MSN: variants seen among roughly 807,000 people sequenced by gnomAD.
MSN encodes epididymis luminal protein 70.
In MSN, 2 loss-of-function variants were observed where a neutral mutation model predicts 48.0. The ratio of observed to expected loss-of-function variants is 0.04; its 90% CI spans 0.02 to 0.13. The LOEUF is 0.13. MSN is among the 10% of genes least tolerant of loss of function. MSN has a pLI of 1.00. For synonymous variants in MSN, 146 were observed against 166.9 expected (o/e 0.87, Z 0.97); for missense variants, 267 against 470.1 (o/e 0.57, Z 3.99).
intron 1 of MSN, among the ~76,000 whole-genome samples, chrX:65,594,350 C>T (rs190353812): frequency 2.2e-4 from 24 of 110,356 alleles, no homozygotes; most frequent in Admixed American, 1.8e-3. Context: ...GTTAGAATTT[C>T]CAAATAAAAG....
intron 1 of MSN, among the ~76,000 whole-genome samples, chrX:65,670,137 G>C (rs2070916374): frequency 8.9e-6 from 1 of 111,986 alleles, no homozygotes; most frequent in South Asian, 3.7e-4. Context: ...GTGTCACCAG[G>C]TGCCTTCTGT....
chrX:65,634,890 G>A (rs940503279), intron 1 of MSN, among the ~76,000 whole-genome samples: 6 of 111,037 alleles, frequency 5.4e-5, no homozygotes, highest in Admixed American at 2.9e-4. Context: ...TGGCCCCTGG[G>A]AGCCCTGTCA....
At chrX:65,602,014 G>A (rs906307363) in intron 1 of MSN, among the ~76,000 whole-genome samples, 1 of 111,670 alleles carries the variant, frequency 9.0e-6, no homozygotes, top group Non-Finnish European at 1.9e-5. Flanking sequence ...GACAGTTAGG[G>A]CCTACTCTGA....
chrX:65,684,712 A>G (rs768986771), intron 1 of MSN, among the ~76,000 whole-genome samples: 49 of 112,117 alleles, frequency 4.4e-4, no homozygotes, highest in Non-Finnish European at 7.7e-4. Flanking sequence ...TGCTGGGATT[A>G]TAAGCGTAAG....
At position 65,736,880 on chromosome X, in the gene MSN, G is replaced by C. The variant is rs775305283; in HGVS notation, c.1045G>C (p.Glu349Gln). The C allele has an allele frequency of 3.3e-6, 4 of 1,196,685 alleles. No homozygotes were observed. Among genetic ancestry groups the C allele is most frequent in the South Asian group, 1.8e-5 (1 of 54,901 alleles). The change falls in exon 9 of 13, where the codon GAG becomes CAG. Residue 349 changes from glutamate (E) to glutamine (Q), a missense_variant. Coordinates refer to ENST00000360270, the MANE Select transcript of MSN (RefSeq NM_002444.3). ...KIEREKEELM[E>Q]RLKQIEEQTK... Reference sequence around the variant, plus strand: ...TGAACGGGAGAAGGAGGAGCTGATGGAGAGGCTGAAGCAGATCGAGGAACA... The same window carrying C: ...TGAACGGGAGAAGGAGGAGCTGATGCAGAGGCTGAAGCAGATCGAGGAACA...
At chrX:65,678,812 A>G (rs981809135) in intron 1 of MSN, among the ~76,000 whole-genome samples, 27 of 112,033 alleles carry the variant, frequency 2.4e-4, no homozygotes, top group Non-Finnish European at 9.4e-5. Flanking sequence ...ACCTTGGGCA[A>G]GTCACTTTTA....
chrX:65,629,101 T>C lies in MSN; in HGVS notation c.-22+40489T>C, dbSNP rs1325496291. Reference sequence around the variant, plus strand: ...AAAAAAAAAGGAATGTTTTTAACAGTACCCAAGTCACCTCTTGAATGCTTT... The same window carrying C: ...AAAAAAAAAGGAATGTTTTTAACAGCACCCAAGTCACCTCTTGAATGCTTT... On this transcript the variant is annotated intron_variant, in intron 1 of 3. Transcript: ENST00000609672. Among the ~76,000 whole-genome samples, 4 of 109,666 alleles carry C rather than the reference T, an allele frequency of 3.6e-5. No homozygotes were observed. The East Asian group carries it at 1.1e-3, about 31-fold the overall frequency.
intron 1 of MSN, among the ~76,000 whole-genome samples, chrX:65,693,639 G>A (rs751760036): frequency 3.3e-4 from 37 of 112,062 alleles, no homozygotes; most frequent in African/African-American, 1.2e-3. Context: ...AGAAAGGAGG[G>A]TGGTAGTTAT....
intron 1 of MSN, among the ~76,000 whole-genome samples, chrX:65,686,223 A>G (rs2071113764): frequency 8.9e-6 from 1 of 112,958 alleles, no homozygotes; most frequent in South Asian, 3.6e-4. Flanking sequence ...TGTTGAAGGA[A>G]CCAGGCCACT....
At chrX:65,628,644 G>A (rs1215657862) in intron 1 of MSN, among the ~76,000 whole-genome samples, 1 of 111,976 alleles carries the variant, frequency 8.9e-6, no homozygotes, top group African/African-American at 3.2e-5. Flanking sequence ...ATTAACATTA[G>A]GCTCCTTGCT....
intron 11 of MSN, 81 bp downstream of exon 11, chrX:65,738,698 T>A: frequency 2.1e-6 from 2 of 939,745 alleles, no homozygotes; most frequent in Non-Finnish European, 3.0e-6. Context: ...TTCCTTATGT[T>A]TTGGCTCCCT....
At chrX:65,675,946 T>C (rs1447435683) in intron 1 of MSN, among the ~76,000 whole-genome samples, 1 of 112,656 alleles carries the variant, frequency 8.9e-6, no homozygotes, top group African/African-American at 3.2e-5. Flanking sequence ...CCTGGGCAAA[T>C]TAATTTTTAA....
At chrX:65,624,488 C>A (rs754611370) in intron 1 of MSN, among the ~76,000 whole-genome samples, 2 of 108,933 alleles carry the variant, frequency 1.8e-5, no homozygotes, top group South Asian at 3.8e-4. Context: ...ATTCTTTCTA[C>A]TGTTTTTCTA....
intron 1 of MSN, among the ~76,000 whole-genome samples, chrX:65,699,765 A>G (rs2071283023): frequency 9.2e-6 from 1 of 108,883 alleles, no homozygotes; most frequent in Non-Finnish European, 1.9e-5. Context: ...AAAAAAAAAA[A>G]AAAAAGACAA....
At position 65,685,410 on chromosome X, in the gene MSN, C is replaced by A. The variant is rs2071104962; in HGVS notation, c.12+17557C>A. Reference sequence around the variant, plus strand: ...ATCCTGCACCTCAGAAGACCTCTGGCTGTTGGAGCTGTCTGAGGTGAAGGA... The same window carrying A: ...ATCCTGCACCTCAGAAGACCTCTGGATGTTGGAGCTGTCTGAGGTGAAGGA... On this transcript the variant is annotated intron_variant, in intron 1 of 12. Transcript: ENST00000360270. Among the ~76,000 whole-genome samples, 3 of 111,600 alleles carry A rather than the reference C, an allele frequency of 2.7e-5. No homozygotes were observed. In the South Asian group the frequency reaches 1.1e-3, roughly 42 times the overall value.
Position 65,668,228 on chromosome X carries a change from G to A in MSN, c.12+375G>A, listed in dbSNP as rs978232663. The stretch of plus-strand genomic sequence containing the variant: ...AACACTTTCCCCAACCCAGGAATTG[G>A]CACCTTTCTGGGGCAAGGCTGCCAA... On this transcript the variant is annotated intron_variant, in intron 1 of 12. Coordinates refer to ENST00000360270, the MANE Select transcript of MSN (RefSeq NM_002444.3). Among the ~76,000 whole-genome samples the A allele has an allele frequency of 1.4e-4, 16 of 112,656 alleles. 1 individual carries two copies. Among genetic ancestry groups the A allele is most frequent in the African/African-American group, 1.9e-4 (6 of 30,995 alleles).
At chrX:65,638,225 C>G (rs918880559) in intron 1 of MSN, among the ~76,000 whole-genome samples, 2 of 112,514 alleles carry the variant, frequency 1.8e-5, no homozygotes, top group Non-Finnish European at 3.7e-5. Context: ...TGCTGCCATA[C>G]TTTTGGCTTC....
At chrX:65,670,929 T>C (rs1218423466) in intron 1 of MSN, among the ~76,000 whole-genome samples, 13 of 59,853 alleles carry the variant, frequency 2.2e-4, no homozygotes, top group Non-Finnish European at 2.6e-4. Context: ...TATATATATA[T>C]ATATATATAT....
At chrX:65,735,024 A>T (rs936394705) in intron 7 of MSN, among the ~76,000 whole-genome samples, 3 of 112,291 alleles carry the variant, frequency 2.7e-5, no homozygotes, top group African/African-American at 9.7e-5. Context: ...GCAAAGATTG[A>T]AAGAAATTAT....
Sources: allele counts gnomAD v4.1 joint callset (sites outside exome capture counted in the v4.1 genomes callset), GRCh38; gene constraint gnomAD v4.1.1; transcripts MANE v1.5; gene names NCBI Gene and HGNC (gene_info 2026-07-23, HGNC 2026-07-21).